L3MBTL4: variants seen among roughly 807,000 people sequenced by gnomAD.
The protein encoded by L3MBTL4 is L3MBTL histone methyl-lysine binding protein 4.
A neutral mutation model predicts 84.5 loss-of-function variants in L3MBTL4; 70 were observed. That is an observed-to-expected ratio of 0.83 (90% confidence interval 0.68 to 1.01). The LOEUF (loss-of-function observed/expected upper bound fraction) is 1.01. Ranked by LOEUF, L3MBTL4 falls within the 50% of genes least tolerant of loss-of-function variation. L3MBTL4 has a pLI of 0.00. For synonymous variants in L3MBTL4, 274 were observed against 259.8 expected, an observed-to-expected ratio of 1.05 and a Z score of -0.52; for missense variants, 715 against 754.8, an observed-to-expected ratio of 0.95 and a Z score of 0.62.
intron 13 of L3MBTL4, among the ~76,000 whole-genome samples, chr18:6,160,439 C>T (rs535520903): frequency 2.8e-4 from 43 of 152,128 alleles, no homozygotes; most frequent in Admixed American, 1.5e-3. Flanking sequence ...CTCATCCAAA[C>T]GCACAGAGTT....
chr18:6,267,442 GTTTTAT>G (rs1410597636), intron 4 of L3MBTL4, among the ~76,000 whole-genome samples: 1 of 152,186 alleles, frequency 6.6e-6, no homozygotes, highest in Non-Finnish European at 1.5e-5. Flanking sequence ...GCCACGAGAT[GTTTTAT>G]TTTGCCAGAG....
Position 6,341,259 on chromosome 18 carries a change from G to A in L3MBTL4, c.-90-29203C>T, listed in dbSNP as rs146525051. Among the ~76,000 whole-genome samples the A allele has an allele frequency of 3.9e-5, 6 of 151,954 alleles. No individual in the cohort carries two copies. In the East Asian group the frequency reaches 1.2e-3, roughly 29 times the overall value. ...AATACCACCAAAAGAACAAAATAAA[G>A]CTCCAGAGACTGATCTTAAAAAAAA... On this transcript the variant is annotated intron_variant, in intron 1 of 18. Transcript: ENST00000317931.
Position 6,071,984 on chromosome 18 carries a change from G to A in L3MBTL4, c.1444+8897C>T, listed in dbSNP as rs920569506. ...ACAATGATGGAGCATATAAAAGGACGGAAATAAATATAACAAACAAATACT... is the reference window on the plus strand; with the variant it reads ...ACAATGATGGAGCATATAAAAGGACAGAAATAAATATAACAAACAAATACT... On this transcript the variant is annotated intron_variant, in intron 16 of 18. Transcript: ENST00000317931. 5.9e-5 allele frequency among the ~76,000 whole-genome samples: 9 copies of A among 151,794 alleles called. No homozygotes were observed. The South Asian group carries it at 8.3e-4, about 14-fold the overall frequency.
At chr18:6,137,694 A>G (rs1214316314) in intron 14 of L3MBTL4, among the ~76,000 whole-genome samples, 7 of 152,234 alleles carry the variant, frequency 4.6e-5, no homozygotes, top group Non-Finnish European at 8.8e-5. Context: ...ATTTTTCTTC[A>G]AAAGCAACAT....
At chr18:6,230,442 A>G (rs1272072411) in intron 10 of L3MBTL4, among the ~76,000 whole-genome samples, 2 of 152,180 alleles carry the variant, frequency 1.3e-5, no homozygotes, top group East Asian at 1.9e-4. Flanking sequence ...GTAGTATTCC[A>G]TGGTGAATAT....
intron 1 of L3MBTL4, among the ~76,000 whole-genome samples, chr18:6,359,448 A>AAAAT (rs1181168868): frequency 1.3e-5 from 2 of 152,208 alleles, no homozygotes; most frequent in African/African-American, 4.8e-5. Context: ...CCAGCTCAAA[A>AAAAT]AAATAAATAA....
chr18:5,976,924 C>T (rs2052962070), intron 16 of L3MBTL4, among the ~76,000 whole-genome samples: 1 of 152,158 alleles, frequency 6.6e-6, no homozygotes. Flanking sequence ...GCTGCTGTTT[C>T]CTTACCAGGT....
rs1446885968 is a variant in L3MBTL4, at chr18:5,956,343, A to T, written c.1722T>A (p.Ile574=). The stretch of plus-strand genomic sequence containing the variant: ...CCAGTTTGATCTTCATCACTTTGAC[A>T]ATGTCCGTCTGTGTCAGAAGCAGGA... ...KAFLLLTQTD[I]VKVMKIKLGP... Residue 574 remains isoleucine, a synonymous_variant, in exon 19 of 19, where the codon ATT becomes ATA. Coordinates refer to ENST00000317931, the MANE Select transcript of L3MBTL4 (RefSeq NM_001330559.2). The T allele has an allele frequency of 7.4e-6, 12 of 1,613,996 alleles. No homozygotes were observed. The highest frequency in any genetic ancestry group is 1.0e-5 in the Non-Finnish European group (12 of 1,180,012).
chr18:6,154,596 G>A (rs1386226058), intron 13 of L3MBTL4, among the ~76,000 whole-genome samples: 5 of 152,156 alleles, frequency 3.3e-5, no homozygotes, highest in Non-Finnish European at 7.4e-5. Flanking sequence ...ATTTAAAAGT[G>A]CAGTGTGATT....
At position 6,068,110 on chromosome 18, in the gene L3MBTL4, C is replaced by T. The variant is rs374547179; in HGVS notation, c.1444+12771G>A. 2.5e-3 allele frequency among the ~76,000 whole-genome samples: 382 copies of T among 152,236 alleles called. 2 individuals carry two copies. Among genetic ancestry groups the T allele is most frequent in the African/African-American group, 8.8e-3 (365 of 41,530 alleles). On this transcript the variant is annotated intron_variant, in intron 16 of 18. Transcript: ENST00000317931. ...GTTTTTGTGCGCTGGCTTTCCCAGA[C>T]GCTGGTTGCAGTAACCATGCATTTG... is the stretch of plus-strand genomic sequence containing the variant.
intron 12 of L3MBTL4, among the ~76,000 whole-genome samples, chr18:6,198,021 G>A (rs533324470): frequency 6.6e-6 from 1 of 152,164 alleles, no homozygotes; most frequent in South Asian, 2.1e-4. Context: ...CTGTTTCTTT[G>A]ACCACCCCTC....
intron 9 of L3MBTL4, among the ~76,000 whole-genome samples, chr18:6,239,158 G>A (rs1383522204): frequency 2.6e-5 from 4 of 151,678 alleles, no homozygotes; most frequent in Admixed American, 6.6e-5. Context: ...CGGCTAAAAC[G>A]GTGAAACCCT....
intron 16 of L3MBTL4, among the ~76,000 whole-genome samples, chr18:6,008,364 T>C (rs1158829505): frequency 1.3e-5 from 2 of 152,196 alleles, no homozygotes; most frequent in African/African-American, 4.8e-5. Flanking sequence ...AAGAGATGTC[T>C]GTGGGCTCCT....
chr18:6,014,266 C>T (rs2054862763), intron 16 of L3MBTL4, among the ~76,000 whole-genome samples: 1 of 152,176 alleles, frequency 6.6e-6, no homozygotes, highest in Non-Finnish European at 1.5e-5. Flanking sequence ...AAAATTTCAC[C>T]TACCACTGAT....
At chr18:6,251,310 C>T (rs1248587388) in intron 5 of L3MBTL4, among the ~76,000 whole-genome samples, 1 of 152,166 alleles carries the variant, frequency 6.6e-6, no homozygotes, top group Admixed American at 6.5e-5. Flanking sequence ...GTGCGAGAAA[C>T]CGCCAAACAC....
intron 12 of L3MBTL4, 71 bp from the exon 13 acceptor site, chr18:6,172,013 G>T: frequency 1.5e-6 from 1 of 682,500 alleles, no homozygotes; most frequent in Non-Finnish European, 2.5e-6. Context: ...CAAAATATTT[G>T]AATACAGATG....
At chr18:6,153,649 A>T (rs937647299) in intron 13 of L3MBTL4, among the ~76,000 whole-genome samples, 1 of 152,112 alleles carries the variant, frequency 6.6e-6, no homozygotes, top group Non-Finnish European at 1.5e-5. Flanking sequence ...CCCAAATCTC[A>T]TCTCAAATTG....
At chr18:6,357,036 G>T (rs1457654827) in intron 1 of L3MBTL4, among the ~76,000 whole-genome samples, 1 of 152,012 alleles carries the variant, frequency 6.6e-6, no homozygotes, top group Non-Finnish European at 1.5e-5. Context: ...TATGCATATG[G>T]GTGTCATATA....
At chr18:6,396,768 C>T (rs2055290021) in intron 1 of L3MBTL4, 1 of 152,204 alleles carries the variant, frequency 6.6e-6, no homozygotes, top group Non-Finnish European at 1.5e-5. Flanking sequence ...CACTTTCTGA[C>T]AGTTACTTAA....
Sources: allele counts gnomAD v4.1 joint callset (sites outside exome capture counted in the v4.1 genomes callset), GRCh38; gene constraint gnomAD v4.1.1; transcripts MANE v1.5; gene names NCBI Gene and HGNC (gene_info 2026-07-23, HGNC 2026-07-21).